The following FGGY variants were observed in gnomAD, a reference collection of about 807,000 sequenced individuals.
FGGY encodes FGGY carbohydrate kinase domain containing.
Under a neutral mutation model 71.3 loss-of-function variants are expected in FGGY, and 72 were observed. The observed-to-expected ratio is 1.01, with a 90% CI of 0.84 to 1.23. FGGY has a LOEUF of 1.23. Among genes scored for constraint, FGGY ranks in the 50% most tolerant of loss-of-function variants. The probability of loss-of-function intolerance (pLI) is 0.00; values close to 1 mark genes in which losing one functional copy is unlikely to be tolerated. For synonymous variants in FGGY, 251 were observed against 250.3 expected (o/e 1.00, Z -0.02); for missense variants, 668 against 682.3 (o/e 0.98, Z 0.23).
intron 9 of FGGY, among the ~76,000 whole-genome samples, chr1:59,611,534 C>A (rs575226689): frequency 1.3e-5 from 2 of 152,262 alleles, no homozygotes; most frequent in East Asian, 3.9e-4. Context: ...GTAGATAAAA[C>A]CACAAAGATG....
chr1:59,366,952 G>A (rs965190166), intron 4 of FGGY, among the ~76,000 whole-genome samples: 1 of 152,266 alleles, frequency 6.6e-6, no homozygotes, highest in Middle Eastern at 3.4e-3. Context: ...AGTAAAAGAG[G>A]TGAGAACCAA....
chr1:59,619,276 C>G (rs1192234052), intron 9 of FGGY, among the ~76,000 whole-genome samples: 2 of 152,066 alleles, frequency 1.3e-5, no homozygotes, highest in Non-Finnish European at 2.9e-5. Flanking sequence ...CTCTCCTGCA[C>G]TCCACCAAGA....
At chr1:59,361,789 C>T (rs1344243986) in intron 4 of FGGY, among the ~76,000 whole-genome samples, 1 of 152,176 alleles carries the variant, frequency 6.6e-6, no homozygotes, top group Non-Finnish European at 1.5e-5. Flanking sequence ...GCACTCACGT[C>T]CTCACTGGGC....
intron 9 of FGGY, among the ~76,000 whole-genome samples, chr1:59,615,970 T>A (rs1353565608): frequency 1.3e-5 from 2 of 152,128 alleles, no homozygotes; most frequent in Non-Finnish European, 2.9e-5. Context: ...CCACTTAGAA[T>A]GGCAATCATT....
rs543810243 is a variant in FGGY at position 59,481,717 on chromosome 1, CA to C, written c.670+24643del. Among the ~76,000 whole-genome samples the C allele has an allele frequency of 6.1e-3, 935 of 152,202 alleles. 5 individuals carry two copies. The highest frequency in any genetic ancestry group is 0.01 in the Non-Finnish European group (694 of 67,996). On this transcript the variant is annotated intron_variant, in intron 6 of 15. Coordinates refer to ENST00000303721, the MANE Select transcript of FGGY (RefSeq NM_018291.5). The stretch of plus-strand genomic sequence containing the variant: ...AGTTTAACTGAGACATACCGTTGTA[CA>C]ATGTCATTATTTTAGGTATTGTATT...
intron 2 of FGGY, among the ~76,000 whole-genome samples, chr1:59,333,743 G>A (rs1409420891): frequency 2.0e-5 from 3 of 152,232 alleles, no homozygotes; most frequent in East Asian, 3.8e-4. Flanking sequence ...CATGGTGGCA[G>A]AGCTAGGATT....
At chr1:59,422,789 A>G (rs1041028177) in intron 5 of FGGY, among the ~76,000 whole-genome samples, 9 of 152,206 alleles carry the variant, frequency 5.9e-5, no homozygotes, top group African/African-American at 2.2e-4. Context: ...AATGGCAAAT[A>G]CTAAAAGGAA....
At chr1:59,465,970 A>G (rs1439034786) in intron 6 of FGGY, among the ~76,000 whole-genome samples, 1 of 152,206 alleles carries the variant, frequency 6.6e-6, no homozygotes, top group Non-Finnish European at 1.5e-5. Flanking sequence ...CCATCAAGCT[A>G]CCAATGACTT....
chr1:59,645,348 G>A (rs968481773), intron 11 of FGGY, among the ~76,000 whole-genome samples: 1 of 152,074 alleles, frequency 6.6e-6, no homozygotes, highest in Non-Finnish European at 1.5e-5. Flanking sequence ...GCATCTTTAC[G>A]AGATGGCCAG....
chr1:59,653,288 G>C (rs1320240300), intron 11 of FGGY, among the ~76,000 whole-genome samples: 2 of 152,240 alleles, frequency 1.3e-5, no homozygotes, highest in Non-Finnish European at 2.9e-5. Flanking sequence ...CACCCAGTTC[G>C]AGCTTTTGGG....
In FGGY at chr1:59,468,586, A is replaced by G. The variant is rs374755176; in HGVS notation, c.670+11510A>G. Among the ~76,000 whole-genome samples, 21 of 152,310 alleles carry G rather than the reference A, an allele frequency of 1.4e-4. No homozygotes were observed. In the East Asian group the frequency reaches 3.9e-3, roughly 28 times the overall value. Reference sequence around the variant, plus strand: ...TAGGCTAAAAATTTGTAAGTAAAGAATCTTGGCTGGGCGTGGTGGCTCACA... The same window carrying G: ...TAGGCTAAAAATTTGTAAGTAAAGAGTCTTGGCTGGGCGTGGTGGCTCACA... On this transcript the variant is annotated intron_variant, in intron 6 of 15. Transcript: ENST00000303721.
At chr1:59,568,144 T>G (rs574785806) in intron 8 of FGGY, among the ~76,000 whole-genome samples, 1 of 152,148 alleles carries the variant, frequency 6.6e-6, no homozygotes, top group Non-Finnish European at 1.5e-5. Context: ...GTAAAACATA[T>G]GAATATTCAC....
chr1:59,685,974 C>T (rs1164983866), intron 14 of FGGY, among the ~76,000 whole-genome samples: 7 of 152,148 alleles, frequency 4.6e-5, no homozygotes, highest in Admixed American at 4.6e-4. Context: ...CACATTTTTC[C>T]TTATACCAAA....
chr1:59,739,015 C>T (rs569236903), intron 14 of FGGY, among the ~76,000 whole-genome samples: 4 of 152,222 alleles, frequency 2.6e-5, no homozygotes, highest in Non-Finnish European at 4.4e-5. Context: ...TGGTCAGGTA[C>T]TGCCTTGAAG....
chr1:59,469,854 G>A lies in FGGY; in HGVS notation c.670+12778G>A, dbSNP rs139257610. Reference sequence around the variant, plus strand: ...TAAAAGTGAGAACATGTGATATTTGGTTTTCTGTTCCTGTGTTAGTTGCTA... The same window carrying A: ...TAAAAGTGAGAACATGTGATATTTGATTTTCTGTTCCTGTGTTAGTTGCTA... On this transcript the variant is annotated intron_variant, in intron 6 of 15. Transcript: ENST00000303721. 8.3e-3 allele frequency among the ~76,000 whole-genome samples: 1,263 copies of A among 152,186 alleles called. 15 individuals carry two copies. Among genetic ancestry groups the A allele is most frequent in the African/African-American group, 0.029 (1,187 of 41,522 alleles).
chr1:59,418,777 G>A (rs1337603360), intron 5 of FGGY, among the ~76,000 whole-genome samples: 1 of 152,076 alleles, frequency 6.6e-6, no homozygotes, highest in Non-Finnish European at 1.5e-5. Flanking sequence ...AACATAGTGA[G>A]TTTGGGGTCC....
At chr1:59,525,303 G>A (rs1455351603) in intron 7 of FGGY, among the ~76,000 whole-genome samples, 2 of 152,146 alleles carry the variant, frequency 1.3e-5, no homozygotes, top group East Asian at 1.9e-4. Flanking sequence ...GGATGGTGGC[G>A]TGAGCTGAGC....
chr1:59,580,673 T>C (rs2096176399), intron 8 of FGGY, among the ~76,000 whole-genome samples: 2 of 152,188 alleles, frequency 1.3e-5, no homozygotes, highest in Admixed American at 1.3e-4. Flanking sequence ...GTAAAGTAGC[T>C]GTTTTTTAAC....
intron 12 of FGGY, among the ~76,000 whole-genome samples, chr1:59,666,250 C>T (rs2097325032): frequency 6.6e-6 from 1 of 152,138 alleles, no homozygotes; most frequent in African/African-American, 2.4e-5. Flanking sequence ...GTGACATCTC[C>T]CCAGATTGCT....
Sources: gnomAD v4.1 joint callset for allele counts (sites outside exome capture counted in the v4.1 genomes callset) on GRCh38, gnomAD v4.1.1 for gene constraint, MANE v1.5 for transcripts, NCBI Gene and HGNC (gene_info 2026-07-23, HGNC 2026-07-21) for gene names.